Variants in LY96 observed in about 807,000 individuals in gnomAD.
The protein encoded by LY96 is lymphocyte antigen 96.
LY96 carries 18 observed loss-of-function variants against 18.9 expected under a neutral mutation model. That is an observed-to-expected ratio of 0.95 (90% CI 0.66 to 1.41). The LOEUF (loss-of-function observed/expected upper bound fraction) is 1.41, where lower values mean the gene tolerates loss of function less well. Among genes scored for constraint, LY96 ranks in the 40% most tolerant of loss-of-function variants. LY96 has a pLI of 0.00. For synonymous variants in LY96, 66 were observed against 62.6 expected, an observed-to-expected ratio of 1.06 and a Z score of -0.26; for missense variants, 175 against 182.4, an observed-to-expected ratio of 0.96 and a Z score of 0.23.
At chr8:73,998,001 T>C (rs1816186310) in intron 1 of LY96, among the ~76,000 whole-genome samples, 1 of 152,166 alleles carries the variant, frequency 6.6e-6, no homozygotes, top group African/African-American at 2.4e-5. Context: ...CATAATCGAA[T>C]GTTAACTCTG....
chr8:74,094,297 A>T, the LY96 span, among the ~76,000 whole-genome samples: 9 of 152,108 alleles, frequency 5.9e-5, no homozygotes, highest in African/African-American at 1.9e-4. Context: ...CTCAGCAATT[A>T]CAACAAAACC....
chr8:74,054,612 T>TTTTCCTTCTTTCTTTC, the LY96 span, among the ~76,000 whole-genome samples: 1 of 69,766 alleles, frequency 1.4e-5, no homozygotes, highest in East Asian at 5.7e-4. Flanking sequence ...TCTTGTTTCC[T>TTTTCCTTCTTTCTTTC]TTTCCTTCTT....
At chr8:74,042,074 C>A in the LY96 span, among the ~76,000 whole-genome samples, 1 of 152,180 alleles carries the variant, frequency 6.6e-6, no homozygotes, top group African/African-American at 2.4e-5. Context: ...ATTTCTCAGC[C>A]AGCTGACACT....
chr8:74,022,391 A>G (rs1816784005), intron 3 of LY96, among the ~76,000 whole-genome samples: 1 of 151,776 alleles, frequency 6.6e-6, no homozygotes, highest in Non-Finnish European at 1.5e-5. Flanking sequence ...TGGGCTACAC[A>G]GTGAGACTCC....
chr8:74,002,068 TTC>T (rs1816299429), intron 1 of LY96, among the ~76,000 whole-genome samples: 2 of 35,614 alleles, frequency 5.6e-5, no homozygotes, highest in Non-Finnish European at 9.2e-5. Context: ...CCTTCCTTCC[TTC>T]CTTCCTTTCT....
chr8:74,082,154 G>A, the LY96 span, among the ~76,000 whole-genome samples: 1 of 152,166 alleles, frequency 6.6e-6, no homozygotes, highest in Non-Finnish European at 1.5e-5. Context: ...CTTGTGCTAG[G>A]ATCTGGGAAC....
At chr8:74,089,306 G>A in the LY96 span, among the ~76,000 whole-genome samples, 1 of 152,090 alleles carries the variant, frequency 6.6e-6, no homozygotes, top group Admixed American at 6.5e-5. Context: ...CATAATTTGT[G>A]GGAGGCCAGG....
chr8:74,039,801 C>T, the LY96 span, among the ~76,000 whole-genome samples: 6 of 152,230 alleles, frequency 3.9e-5, no homozygotes, highest in East Asian at 1.9e-4. Flanking sequence ...ACCAGGAGTA[C>T]GGGAGGAACA....
the LY96 span, among the ~76,000 whole-genome samples, chr8:74,070,129 T>C: frequency 0.028 from 4,296 of 151,974 alleles, 95 homozygotes; most frequent in Middle Eastern, 0.054. Context: ...TGTCACTCTG[T>C]TGCCCAGGCT....
intron 3 of LY96, among the ~76,000 whole-genome samples, chr8:74,015,205 TA>T (rs1163781046): frequency 2.0e-5 from 3 of 151,848 alleles, no homozygotes; most frequent in East Asian, 3.9e-4. Context: ...AGATCCTGTT[TA>T]AAAAAAAATT....
At chr8:74,033,364 A>G (rs2131290847), downstream of LY96, among the ~76,000 whole-genome samples, 1 of 152,348 alleles carries the variant, frequency 6.6e-6, no homozygotes, top group South Asian at 2.1e-4. Context: ...AAATCCAAAG[A>G]CAATGGTTAT....
the LY96 span, among the ~76,000 whole-genome samples, chr8:74,097,278 T>G: frequency 6.6e-6 from 1 of 152,212 alleles, no homozygotes; most frequent in East Asian, 1.9e-4. Context: ...ATCCTGACTC[T>G]GGCCCTTTCC....
the LY96 span, among the ~76,000 whole-genome samples, chr8:74,072,174 G>T: frequency 6.6e-6 from 1 of 152,040 alleles, no homozygotes; most frequent in Non-Finnish European, 1.5e-5. Context: ...ATATAGAAAT[G>T]CATATAAATT....
At chr8:74,094,494 T>C in the LY96 span, among the ~76,000 whole-genome samples, 2 of 152,214 alleles carry the variant, frequency 1.3e-5, no homozygotes, top group Non-Finnish European at 2.9e-5. Flanking sequence ...ATTCATGTTA[T>C]TAATTTTCTT....
chr8:74,002,556 GATTT>G (rs1313133983), intron 1 of LY96, among the ~76,000 whole-genome samples: 1 of 149,044 alleles, frequency 6.7e-6, no homozygotes, highest in Middle Eastern at 3.6e-3. Flanking sequence ...TCAGCTCCAT[GATTT>G]ATTTATTTAT....
the LY96 span, among the ~76,000 whole-genome samples, chr8:74,039,168 T>A: frequency 6.6e-6 from 1 of 152,246 alleles, no homozygotes; most frequent in Admixed American, 6.5e-5. Flanking sequence ...AACATCTGTA[T>A]GTCTTCTTTT....
chr8:74,030,001 G>T (rs7013662), downstream of LY96, among the ~76,000 whole-genome samples: 36,880 of 152,036 alleles, frequency 0.24, 5,206 homozygotes, highest in African/African-American at 0.39. Context: ...CTTCATAGTA[G>T]CGTGAGAATG....
intron 3 of LY96, among the ~76,000 whole-genome samples, chr8:74,022,162 C>T (rs527421793): frequency 3.3e-5 from 5 of 152,260 alleles, no homozygotes; most frequent in Admixed American, 2.0e-4. Flanking sequence ...AATCCCAGCA[C>T]TTTGGGAGGC....
At chr8:73,993,631 C>T (rs1320713449) in intron 1 of LY96, among the ~76,000 whole-genome samples, 3 of 152,132 alleles carry the variant, frequency 2.0e-5, no homozygotes, top group Admixed American at 1.3e-4. Context: ...TTAGTAGAGA[C>T]AGGGTTTTGC....
Sources: gnomAD v4.1 joint callset for allele counts (sites outside exome capture counted in the v4.1 genomes callset) on GRCh38, gnomAD v4.1.1 for gene constraint, MANE v1.5 for transcripts, NCBI Gene and HGNC (gene_info 2026-07-23, HGNC 2026-07-21) for gene names.